The following NSUN6 variants were observed in gnomAD, a reference collection of about 807,000 sequenced individuals.
NSUN6 encodes tRNA (cytosine(72)-C(5))-methyltransferase NSUN6.
NSUN6 carries 64 observed loss-of-function variants against 58.0 expected under a neutral mutation model. The ratio of observed to expected loss-of-function variants is 1.10; its 90% CI spans 0.90 to 1.36. The LOEUF is 1.36. NSUN6 is among the 40% of genes most tolerant of loss of function. NSUN6 has a pLI of 0.00. For missense variants in NSUN6, 701 were observed against 550.1 expected (o/e 1.27, Z -2.74); for synonymous variants, 231 against 193.9 (o/e 1.19, Z -1.59).
intron 8 of NSUN6, among the ~76,000 whole-genome samples, chr10:18,562,015 G>C (rs1238176108): frequency 1.3e-5 from 2 of 150,678 alleles, no homozygotes; most frequent in Non-Finnish European, 3.0e-5. Context: ...GAAAGGAATG[G>C]ATAATGGAAT....
At chr10:18,652,067 A>G, upstream of NSUN6, 1 of 985,370 alleles carries the variant, frequency 1.0e-6, no homozygotes, top group South Asian at 4.7e-5. Context: ...TAGGGTTCAT[A>G]TTTTTGAAAG....
upstream of NSUN6, chr10:18,653,259 C>G (rs1392276698): frequency 3.0e-6 from 3 of 983,780 alleles, no homozygotes; most frequent in African/African-American, 1.7e-5. Flanking sequence ...TACTGAATGA[C>G]TAAATGAAAA....
chr10:18,605,179 C>T lies in NSUN6; in HGVS notation c.657+4666G>A, dbSNP rs2058004378. ...GGATTACAGGCGTGAGCCACCGTGC[C>T]TAGCCGAGACTCCCTTAAAAAAAAA... On this transcript the variant is annotated intron_variant, in intron 6 of 10. Transcript: ENST00000377304. Among the ~76,000 whole-genome samples, 3 of 150,464 alleles carry T rather than the reference C, an allele frequency of 2.0e-5. No homozygotes were observed. The South Asian group carries it at 6.3e-4, about 32-fold the overall frequency.
At chr10:18,644,983 C>A (rs758647412) in intron 2 of NSUN6, among the ~76,000 whole-genome samples, 2 of 151,454 alleles carry the variant, frequency 1.3e-5, no homozygotes, top group Non-Finnish European at 2.9e-5. Context: ...CACAGTGAAA[C>A]CCTGTCTCTA....
At position 18,622,028 on chromosome 10, in the gene NSUN6, TATAC is replaced by T. The variant is rs1344060487; in HGVS notation, c.312-5739_312-5736del. Among the ~76,000 whole-genome samples, 9 of 127,204 alleles carry T rather than the reference TATAC, an allele frequency of 7.1e-5. No individual in the cohort carries two copies. The East Asian group carries it at 1.7e-3, about 24-fold the overall frequency. The allele number at this position is 127,204 out of a possible 152,430, so 83.5% of individuals were successfully genotyped here. A position where few individuals can be genotyped will look rare whatever the true frequency, so the allele number is the denominator to read the frequency against. On this transcript the variant is annotated intron_variant, in intron 3 of 10. Coordinates refer to ENST00000377304, the MANE Select transcript of NSUN6 (RefSeq NM_182543.5). ...CCCTATTCACACATATATATATATA[TATAC>T]GAATGACACACACACACACACACAC...
chr10:18,592,271 A>G (rs767971346), intron 7 of NSUN6, among the ~76,000 whole-genome samples: 17 of 152,228 alleles, frequency 1.1e-4, no homozygotes, highest in African/African-American at 3.6e-4. Flanking sequence ...GGAAGAATCA[A>G]TAACATCAAA....
At chr10:18,600,028 CAAAGTATCTTTGGGTAATGT>C (rs1353386920) in intron 6 of NSUN6, among the ~76,000 whole-genome samples, 1 of 152,096 alleles carries the variant, frequency 6.6e-6, no homozygotes, top group Admixed American at 6.6e-5. Flanking sequence ...ATTAACTTTA[CAAAGTATCTTTGGGTAATGT>C]AAGATGCTAA....
In NSUN6 at chr10:18,651,566, C is replaced by G. The variant is rs1461826252; in HGVS notation, c.-363G>C. 3.0e-6 allele frequency: 3 copies of G among 999,526 alleles called. No individual in the cohort carries two copies. Among genetic ancestry groups the G allele is most frequent in the African/African-American group, 1.7e-5 (1 of 57,914 alleles). The allele number at this position is 999,526 out of a possible 1,614,324, so 61.9% of individuals were successfully genotyped here. Reference sequence around the variant, plus strand: ...TCAGTAAGCCAGGCTGACAGCAGCTCGGTCCCTTTATCTTTTCTATCAATT... The same window carrying G: ...TCAGTAAGCCAGGCTGACAGCAGCTGGGTCCCTTTATCTTTTCTATCAATT... On this transcript the variant is annotated 5_prime_UTR_variant, in exon 1 of 11. Coordinates refer to ENST00000377304, the MANE Select transcript of NSUN6 (RefSeq NM_182543.5).
chr10:18,626,714 C>T (rs1245576583), intron 3 of NSUN6, among the ~76,000 whole-genome samples: 1 of 152,132 alleles, frequency 6.6e-6, no homozygotes. Flanking sequence ...TTGCAGTGAG[C>T]CGAGATCGTG....
intron 8 of NSUN6, among the ~76,000 whole-genome samples, chr10:18,558,013 G>A (rs2055177032): frequency 1.3e-5 from 2 of 151,234 alleles, no homozygotes; most frequent in African/African-American, 2.4e-5. Context: ...GACATGAATG[G>A]AGAATGAAAT....
intron 8 of NSUN6, among the ~76,000 whole-genome samples, chr10:18,558,182 G>A (rs1589844037): frequency 6.6e-6 from 1 of 151,578 alleles, no homozygotes; most frequent in East Asian, 1.9e-4. Context: ...GAATGGAATG[G>A]AATGCACAGT....
At chr10:18,585,587 A>C (rs904052031) in intron 8 of NSUN6, among the ~76,000 whole-genome samples, 6 of 152,198 alleles carry the variant, frequency 3.9e-5, no homozygotes, top group Non-Finnish European at 1.5e-5. Flanking sequence ...ATCTCACTTA[A>C]GTGGGGAATC....
chr10:18,647,722 CTTG>C (rs1357871355), intron 2 of NSUN6, among the ~76,000 whole-genome samples: 5 of 129,062 alleles, frequency 3.9e-5, no homozygotes, highest in Non-Finnish European at 6.4e-5. Flanking sequence ...CGCTCAACAC[CTTG>C]TTTTTTTTTT....
chr10:18,600,959 T>TACAC (rs1554869994), intron 6 of NSUN6, among the ~76,000 whole-genome samples: 5,044 of 65,256 alleles, frequency 0.077, 384 homozygotes, highest in Non-Finnish European at 0.12. Flanking sequence ...TATATATATA[T>TACAC]ACATATATAT....
rs150453050 is a variant in NSUN6, at chr10:18,648,395, T to C, written c.231+95A>G. On this transcript the variant is annotated intron_variant, in intron 2 of 10. Transcript: ENST00000377304. ...TCCTCAATCTCCTTATCTGTAAAAC[T>C]GGAAGTGTATTATATCATTCATAGG... 527 of 726,482 alleles carry C rather than the reference T, an allele frequency of 7.3e-4. 2 individuals carry two copies. The African/African-American group carries it at 7.5e-3, about 10-fold the overall frequency. 45.0% of individuals were successfully genotyped at this position (726,482 alleles called of 1,614,324 possible).
intron 1 of NSUN6, among the ~76,000 whole-genome samples, chr10:18,649,447 G>GA (rs894069737): frequency 2.0e-5 from 3 of 151,970 alleles, no homozygotes; most frequent in African/African-American, 7.3e-5. Context: ...GCAACATGGT[G>GA]AAACCCCATC....
intron 9 of NSUN6, among the ~76,000 whole-genome samples, chr10:18,549,497 A>C (rs1273813914): frequency 6.6e-6 from 1 of 152,148 alleles, no homozygotes; most frequent in Non-Finnish European, 1.5e-5. Context: ...GGGCCATTGC[A>C]TTATTGCCTT....
chr10:18,551,980 A>G lies in NSUN6; in HGVS notation c.923-9T>C, dbSNP rs780684418. 2 of 1,565,752 alleles carry G rather than the reference A, an allele frequency of 1.3e-6. No individual in the cohort carries two copies. The highest frequency in any genetic ancestry group is 4.5e-5 in the East Asian group (2 of 44,434). ...TAGAAATGGAGGTTCTCCTATAAAGAGAATTATAATCATGTTTACTATCTT... is the reference window on the plus strand; with the variant it reads ...TAGAAATGGAGGTTCTCCTATAAAGGGAATTATAATCATGTTTACTATCTT... On this transcript the variant is annotated splice_polypyrimidine_tract_variant and intron_variant, in intron 8 of 10. Coordinates refer to ENST00000377304, the MANE Select transcript of NSUN6 (RefSeq NM_182543.5).
At chr10:18,572,816 A>C in intron 8 of NSUN6, among the ~76,000 whole-genome samples, 1 of 136,868 alleles carries the variant, frequency 7.3e-6, no homozygotes, top group Admixed American at 7.3e-5. Context: ...ATTCCCTTCC[A>C]TCCTCCATTC....
Sources: gnomAD v4.1 joint callset for allele counts (sites outside exome capture counted in the v4.1 genomes callset) on GRCh38, gnomAD v4.1.1 for gene constraint, MANE v1.5 for transcripts, NCBI Gene and HGNC (gene_info 2026-07-23, HGNC 2026-07-21) for gene names.